RPL3L: variants seen among roughly 807,000 people sequenced by gnomAD.
RPL3L encodes ribosomal protein L3 like.
A neutral mutation model predicts 44.5 loss-of-function variants in RPL3L; 44 were observed. The observed-to-expected ratio is 0.99, with a 90% CI of 0.78 to 1.27. RPL3L has a LOEUF of 1.27. Ranked by LOEUF, RPL3L falls within the 50% of genes most tolerant of loss-of-function variation. RPL3L has a pLI of 0.00. For missense variants in RPL3L, 631 were observed against 569.1 expected, an observed-to-expected ratio of 1.11 and a Z score of -1.11; for synonymous variants, 292 against 230.7, an observed-to-expected ratio of 1.27 and a Z score of -2.41.
In RPL3L at chr16:1,946,056, T is replaced by A; in HGVS notation, c.952-126A>T. 3 of 734,162 alleles carry A rather than the reference T, an allele frequency of 4.1e-6. No individual in the cohort carries two copies. The South Asian group carries it at 5.2e-5, about 13-fold the overall frequency. 45.5% of individuals were successfully genotyped at this position (734,162 alleles called of 1,614,324 possible). ...AGGAGCCCCGTGCCCAGCCCCCAGA[T>A]GTAGGGGTGACTATCACGCCGCCCC... On this transcript the variant is annotated intron_variant, in intron 7 of 9. Transcript: ENST00000268661.
At position 1,953,945 on chromosome 16, in the gene RPL3L, C is replaced by A; in HGVS notation, c.196+11G>T. 2 of 1,510,688 alleles carry A rather than the reference C, an allele frequency of 1.3e-6. No individual in the cohort carries two copies. The highest frequency in any genetic ancestry group is 1.8e-6 in the Non-Finnish European group (2 of 1,123,916). The allele number at this position is 1,510,688 out of a possible 1,614,324, so 93.6% of individuals were successfully genotyped here. ...CCTCCCCCTCCCCCAAGGGTCCCAACTGTGACTCACTGAGCCCCGGCCGGT... is the reference window on the plus strand; with the variant it reads ...CCTCCCCCTCCCCCAAGGGTCCCAAATGTGACTCACTGAGCCCCGGCCGGT... On this transcript the variant is annotated intron_variant, in intron 2 of 9. Transcript: ENST00000268661.
chr16:1,953,898 C>T (rs568419583), intron 2 of RPL3L, 58 bp downstream of exon 2: 1 of 1,415,454 alleles, frequency 7.1e-7, no homozygotes, highest in East Asian at 2.7e-5. Flanking sequence ...AGTTCTGGCT[C>T]CGAGCATCTG....
intron 4 of RPL3L, among the ~76,000 whole-genome samples, chr16:1,949,259 C>CTTTTTTTTTTTTTTTT (rs58248501): frequency 1.3e-4 from 10 of 75,254 alleles, no homozygotes; most frequent in East Asian, 5.0e-4. Flanking sequence ...TTTTTTTTTT[C>CTTTTTTTTTTTTTTTT]TTTTTTTTTT....
chr16:1,949,755 A>G (rs1597027767), intron 4 of RPL3L, among the ~76,000 whole-genome samples: 1 of 62,584 alleles, frequency 1.6e-5, no homozygotes, highest in Non-Finnish European at 2.9e-5. Flanking sequence ...TGTACGGGGC[A>G]GGTATGTAGG....
Position 1,944,742 on chromosome 16 carries a change from G to T in RPL3L, c.*95C>A, listed in dbSNP as rs2754179. 5 of 1,537,106 alleles carry T rather than the reference G, an allele frequency of 3.3e-6. No homozygotes were observed. The highest frequency in any genetic ancestry group is 1.7e-5 in the Admixed American group (1 of 59,552). Reference sequence around the variant, plus strand: ...TGAACCCCTTGGGCGGTTACACAGCGCTCTGAGACCTCGCAGGAAGAGTCG... The same window carrying T: ...TGAACCCCTTGGGCGGTTACACAGCTCTCTGAGACCTCGCAGGAAGAGTCG... On this transcript the variant is annotated 3_prime_UTR_variant, in exon 10 of 10. Transcript: ENST00000268661.
In RPL3L at chr16:1,949,507, C is replaced by T. The variant is rs1164558532; in HGVS notation, c.501+1337G>A. ...ACCTCAGGTGATCCGCCTGCCTTGG[C>T]CTCCCAAAGTGCTGGGGTTACAGGC... On this transcript the variant is annotated intron_variant, in intron 4 of 9. Transcript: ENST00000268661. 1.4e-4 allele frequency among the ~76,000 whole-genome samples: 21 copies of T among 150,264 alleles called. No individual in the cohort carries two copies. The East Asian group carries it at 3.8e-3, about 27-fold the overall frequency.
chr16:1,946,533 A>AC, intron 7 of RPL3L, 92 bp downstream of exon 7: 1 of 1,217,686 alleles, frequency 8.2e-7, no homozygotes, highest in Non-Finnish European at 1.1e-6. Context: ...CATGCCCCCT[A>AC]CATGTATACC....
Position 1,944,722 on chromosome 16 carries a change from C to T in RPL3L, c.*115G>A. On this transcript the variant is annotated 3_prime_UTR_variant, in exon 10 of 10. Transcript: ENST00000268661. Reference sequence around the variant, plus strand: ...TGTCTAGGCAGCAGGCAAGGTGAACCCCTTGGGCGGTTACACAGCGCTCTG... The same window carrying T: ...TGTCTAGGCAGCAGGCAAGGTGAACTCCTTGGGCGGTTACACAGCGCTCTG... 7.6e-7 allele frequency: 1 copy of T among 1,319,866 alleles called. No individual in the cohort carries two copies. The highest frequency in any genetic ancestry group is 1.1e-6 in the Non-Finnish European group (1 of 917,318). 81.8% of individuals were successfully genotyped at this position (1,319,866 alleles called of 1,614,324 possible).
Position 1,945,896 on chromosome 16 carries a change from T to A in RPL3L, c.986A>T (p.Asp329Val), listed in dbSNP as rs781712085. Residue 329 changes from aspartate to valine, a missense_variant, in exon 8 of 10, where the codon GAC (aspartate) becomes GTC (valine). Asp to Val is a radical substitution (Grantham distance 152). Coordinates refer to ENST00000268661, the MANE Select transcript of RPL3L (RefSeq NM_005061.3). ...GFPHYGEVNN[D>V]FVMLKGCIAG... The stretch of plus-strand genomic sequence containing the variant: ...AATACAACCCTTCAGCATGACGAAG[T>A]CGTTGTTCACTTCCCCGTAGTGGGG... The A allele has an allele frequency of 2.4e-5, 39 of 1,613,516 alleles. No homozygotes were observed. In the South Asian group the frequency reaches 4.1e-4, roughly 17 times the overall value.
At chr16:1,951,105 G>A in intron 3 of RPL3L, 126 bp from the exon 4 acceptor site, 1 of 1,280,716 alleles carries the variant, frequency 7.8e-7, no homozygotes, top group African/African-American at 1.5e-5. Flanking sequence ...CCCCCACCCG[G>A]AGGCCTCTGA....
In RPL3L at chr16:1,952,881, T is replaced by C; in HGVS notation, c.358A>G (p.Lys120Glu). The C allele has an allele frequency of 6.2e-7, 1 of 1,613,844 alleles. No homozygotes were observed. Among genetic ancestry groups the C allele is most frequent in the Non-Finnish European group, 8.5e-7 (1 of 1,180,008 alleles). The change falls in exon 3 of 10, where the codon AAG becomes GAG. Residue 120 changes from lysine to glutamate, a missense_variant. Coordinates refer to ENST00000268661, the MANE Select transcript of RPL3L (RefSeq NM_005061.3). Reference protein sequence around the residue: ...LSDECRRRFYKDWHKSKKKAF... With the variant: ...LSDECRRRFYEDWHKSKKKAF... ...GCCAAGGGCGGTGCTCACCAGTCCTTGTAGAATCGGCGCCGGCACTCATCA... is the reference window on the plus strand; with the variant it reads ...GCCAAGGGCGGTGCTCACCAGTCCTCGTAGAATCGGCGCCGGCACTCATCA...
At chr16:1,948,250 G>A (rs2083140422) in intron 4 of RPL3L, among the ~76,000 whole-genome samples, 3 of 151,230 alleles carry the variant, frequency 2.0e-5, no homozygotes, top group Admixed American at 6.6e-5. Flanking sequence ...TTTTAATGGA[G>A]TCTCGCTCTG....
chr16:1,947,092 G>C lies in RPL3L; in HGVS notation c.695C>G (p.Thr232Arg). The C allele has an allele frequency of 6.2e-7, 1 of 1,613,182 alleles. No homozygotes were observed. The highest frequency in any genetic ancestry group is 1.7e-5 in the Admixed American group (1 of 60,012). The change falls in exon 6 of 10, where the codon ACA becomes AGA. Residue 232 changes from threonine to arginine, a missense_variant. Transcript: ENST00000268661. ...VTKGRGVKGVTSRWHTKKLPR... is the reference protein window; with the variant it reads ...VTKGRGVKGVRSRWHTKKLPR... ...CAGCTTCTTGGTATGCCAGCGGCTT[G>C]TGACCCCTGTGAGTGAGAGGGGCTG... is the stretch of plus-strand genomic sequence containing the variant.
At chr16:1,949,009 C>CTTTT (rs34900670) in intron 4 of RPL3L, among the ~76,000 whole-genome samples, 3 of 124,662 alleles carry the variant, frequency 2.4e-5, no homozygotes, top group Admixed American at 8.0e-5. Flanking sequence ...CCGCGCCTGG[C>CTTTT]TTTTTTTTTT....
chr16:1,948,785 G>A (rs192610606), intron 4 of RPL3L, among the ~76,000 whole-genome samples: 82 of 151,860 alleles, frequency 5.4e-4, no homozygotes, highest in Non-Finnish European at 1.0e-3. Context: ...GCGCAATCTC[G>A]GCTCACTGCA....
intron 7 of RPL3L, 59 bp from the exon 8 acceptor site, chr16:1,945,989 C>G (rs1597024742): frequency 6.8e-7 from 1 of 1,469,880 alleles, no homozygotes. Flanking sequence ...TAGTGGGTGG[C>G]TGGGGGCCCT....
At chr16:1,952,826 C>A (rs759754016) in intron 3 of RPL3L, 48 bp downstream of exon 3, 1 of 1,604,346 alleles carries the variant, frequency 6.2e-7, no homozygotes, top group Non-Finnish European at 8.5e-7. Context: ...CACCCAACTT[C>A]TGTGGTCCCA....
chr16:1,948,587 T>C (rs1478665567), intron 4 of RPL3L, among the ~76,000 whole-genome samples: 1 of 152,038 alleles, frequency 6.6e-6, no homozygotes, highest in Non-Finnish European at 1.5e-5. Flanking sequence ...CAGGCTGGAG[T>C]GCAGTGGCAT....
chr16:1,944,159 AC>A lies in RPL3L; in HGVS notation c.*677del, dbSNP rs2083102481. ...TAACAGCCCTTTCCCAAAGCAGACC[AC>A]CTCCTTGCCTGGGGACTAGATTGCA... On this transcript the variant is annotated 3_prime_UTR_variant, in exon 10 of 10. Coordinates refer to ENST00000268661, the MANE Select transcript of RPL3L (RefSeq NM_005061.3). 6.6e-6 allele frequency: 1 copy of A among 151,966 alleles called. No homozygotes were observed. Among genetic ancestry groups the A allele is most frequent in the Non-Finnish European group, 1.5e-5 (1 of 68,050 alleles). The allele number at this position is 151,966 out of a possible 1,614,324, so 9.4% of individuals were successfully genotyped here. A position where few individuals can be genotyped will look rare whatever the true frequency, so the allele number is the denominator to read the frequency against.
Sources: allele counts gnomAD v4.1 joint callset (sites outside exome capture counted in the v4.1 genomes callset), GRCh38; gene constraint gnomAD v4.1.1; transcripts MANE v1.5; gene names NCBI Gene and HGNC (gene_info 2026-07-23, HGNC 2026-07-21).